Variants in DNAH14 observed in about 807,000 individuals in gnomAD.
The protein encoded by DNAH14 is dynein axonemal heavy chain 14.
In DNAH14, 478 loss-of-function variants were observed where a neutral mutation model predicts 520.9. The observed-to-expected ratio is 0.92, with a 90% CI of 0.85 to 0.99. The LOEUF (loss-of-function observed/expected upper bound fraction) is 0.99, where lower values mean the gene tolerates loss of function less well. DNAH14 is among the 50% of genes least tolerant of loss of function. The pLI, the probability that DNAH14 is intolerant of heterozygous loss-of-function variation, is 0.00. For missense variants in DNAH14, 4,831 were observed against 5,234.5 expected (o/e 0.92, Z 2.38); for synonymous variants, 1,581 against 1,757.2 (o/e 0.90, Z 2.51).
chr1:225,366,052 G>A (rs763376210), intron 76 of DNAH14, among the ~76,000 whole-genome samples: 17 of 151,740 alleles, frequency 1.1e-4, no homozygotes, highest in Non-Finnish European at 1.8e-4. Flanking sequence ...ATACAAAATG[G>A]GCAAAGGACA....
Position 224,968,978 on chromosome 1 carries a change from T to C in DNAH14, c.767+104T>C, listed in dbSNP as rs932165912. The C allele has an allele frequency of 5.6e-6, 4 of 715,470 alleles. No individual in the cohort carries two copies. The African/African-American group carries it at 7.6e-5, about 14-fold the overall frequency. 44.3% of individuals were successfully genotyped at this position (715,470 alleles called of 1,614,324 possible). On this transcript the variant is annotated intron_variant, in intron 7 of 85. Coordinates refer to ENST00000682510, the MANE Select transcript of DNAH14 (RefSeq NM_001367479.1). ...CTACTACAGTAATACCAGTAGAAAATAGTACTAATTCTTTTATCTAAAAAT... is the reference window on the plus strand; with the variant it reads ...CTACTACAGTAATACCAGTAGAAAACAGTACTAATTCTTTTATCTAAAAAT...
intron 54 of DNAH14, among the ~76,000 whole-genome samples, chr1:225,285,752 G>A (rs149213344): frequency 6.6e-6 from 1 of 151,998 alleles, no homozygotes; most frequent in East Asian, 1.9e-4. Flanking sequence ...AGCTACTCAG[G>A]AGGCTGAGGC....
chr1:225,345,392 A>G (rs1380801198), intron 69 of DNAH14, among the ~76,000 whole-genome samples: 1 of 152,242 alleles, frequency 6.6e-6, no homozygotes, highest in African/African-American at 2.4e-5. Context: ...AGAAGAGTTT[A>G]TAATGGAAAC....
At chr1:225,299,877 C>T (rs1425864814) in intron 55 of DNAH14, among the ~76,000 whole-genome samples, 1 of 152,186 alleles carries the variant, frequency 6.6e-6, no homozygotes, top group Admixed American at 6.6e-5. Flanking sequence ...CTGTTGGCCT[C>T]TACTGGAGAG....
At chr1:225,238,921 G>A (rs1234791641) in intron 42 of DNAH14, among the ~76,000 whole-genome samples, 1 of 152,160 alleles carries the variant, frequency 6.6e-6, no homozygotes, top group Admixed American at 6.5e-5. Context: ...CAGCTGTACT[G>A]TGTTGTGGGG....
intron 21 of DNAH14, among the ~76,000 whole-genome samples, chr1:225,091,294 T>G (rs1470592711): frequency 6.6e-6 from 1 of 152,022 alleles, no homozygotes; most frequent in South Asian, 2.1e-4. Context: ...AATCGTCAGA[T>G]TCTCCAAGTT....
intron 17 of DNAH14, among the ~76,000 whole-genome samples, chr1:225,077,112 A>C (rs1265506231): frequency 6.6e-6 from 1 of 152,208 alleles, no homozygotes; most frequent in East Asian, 1.9e-4. Context: ...TTTTAGTTTG[A>C]TAAGAGTTTT....
At chr1:224,967,976 T>TA in intron 6 of DNAH14, 1 of 1,062,094 alleles carries the variant, frequency 9.4e-7, no homozygotes, top group Non-Finnish European at 1.2e-6. Context: ...TTTACACTCT[T>TA]ATATAGCATT....
chr1:225,016,184 C>T (rs1302335990), intron 10 of DNAH14, among the ~76,000 whole-genome samples: 1 of 152,046 alleles, frequency 6.6e-6, no homozygotes, highest in Non-Finnish European at 1.5e-5. Flanking sequence ...GACCATTGTC[C>T]CTTGGTGTCC....
intron 75 of DNAH14, among the ~76,000 whole-genome samples, chr1:225,363,804 T>G (rs2095521614): frequency 6.6e-6 from 1 of 152,218 alleles, no homozygotes; most frequent in Admixed American, 6.5e-5. Context: ...CTGTGTAAAT[T>G]GTTATTAATC....
chr1:225,387,992 G>A (rs1403986317), intron 81 of DNAH14, among the ~76,000 whole-genome samples: 1 of 152,142 alleles, frequency 6.6e-6, no homozygotes, highest in East Asian at 1.9e-4. Flanking sequence ...AGGTAAGGGA[G>A]TAGACAGTGG....
In DNAH14 at chr1:225,399,041, T is replaced by C; in HGVS notation, c.13639-13T>C. The C allele has an allele frequency of 6.5e-7, 1 of 1,530,982 alleles. No individual in the cohort carries two copies. Among genetic ancestry groups the C allele is most frequent in the South Asian group, 1.2e-5 (1 of 81,012 alleles). The allele number at this position is 1,530,982 out of a possible 1,614,324, so 94.8% of individuals were successfully genotyped here. On this transcript the variant is annotated splice_polypyrimidine_tract_variant and intron_variant, in intron 85 of 85. Coordinates refer to ENST00000682510, the MANE Select transcript of DNAH14 (RefSeq NM_001367479.1). ...TATGCAATTTGACTACTGGATTTTT[T>C]TTTTTTTTAAAGATTTCTACCAAAA...
intron 66 of DNAH14, 127 bp downstream of exon 66, chr1:225,333,633 T>C (rs2094847909): frequency 1.1e-6 from 1 of 899,968 alleles, no homozygotes; most frequent in Non-Finnish European, 1.6e-6. Context: ...ATTTTGTTAA[T>C]AGTTTGTTGC....
At chr1:225,128,635 C>T (rs1017554131) in intron 27 of DNAH14, among the ~76,000 whole-genome samples, 18 of 151,746 alleles carry the variant, frequency 1.2e-4, no homozygotes, top group African/African-American at 3.9e-4. Context: ...GCTAAAAACT[C>T]TCAATAAATT....
chr1:225,343,255 A>T (rs2095228915), intron 69 of DNAH14, among the ~76,000 whole-genome samples: 1 of 152,254 alleles, frequency 6.6e-6, no homozygotes, highest in Non-Finnish European at 1.5e-5. Context: ...AGATGTGCAG[A>T]AAACACTGAC....
At chr1:224,979,445 T>C (rs544893116) in intron 8 of DNAH14, among the ~76,000 whole-genome samples, 1 of 152,144 alleles carries the variant, frequency 6.6e-6, no homozygotes, top group Non-Finnish European at 1.5e-5. Flanking sequence ...TTTAGACCAG[T>C]TCTAGCCAGA....
At chr1:225,193,865 T>G (rs1433639863) in intron 38 of DNAH14, among the ~76,000 whole-genome samples, 1 of 152,050 alleles carries the variant, frequency 6.6e-6, no homozygotes, top group Non-Finnish European at 1.5e-5. Flanking sequence ...GGATATAAAA[T>G]CAAGGCACAA....
chr1:224,959,729 TA>T (rs1213160038), intron 3 of DNAH14, among the ~76,000 whole-genome samples: 1 of 152,172 alleles, frequency 6.6e-6, no homozygotes, highest in Non-Finnish European at 1.5e-5. Flanking sequence ...CTTCTGTATT[TA>T]TTTCATGTGA....
chr1:225,017,665 C>T (rs2449277), intron 10 of DNAH14, among the ~76,000 whole-genome samples: 137,709 of 152,294 alleles, frequency 0.9, 63,819 homozygotes, highest in East Asian at 1. Flanking sequence ...CAACCCCTAG[C>T]GCAGTGCTAT....
Sources: gnomAD v4.1 joint callset for allele counts (sites outside exome capture counted in the v4.1 genomes callset) on GRCh38, gnomAD v4.1.1 for gene constraint, MANE v1.5 for transcripts, NCBI Gene and HGNC (gene_info 2026-07-23, HGNC 2026-07-21) for gene names.